Variants in CCDC39 observed in about 807,000 individuals in gnomAD.
CCDC39 encodes coiled-coil domain-containing protein 39.
A neutral mutation model predicts 121.0 loss-of-function variants in CCDC39; 113 were observed. That is an observed-to-expected ratio of 0.93 (90% CI 0.80 to 1.09). The LOEUF is 1.09. Ranked by LOEUF, CCDC39 falls within the 50% of genes least tolerant of loss-of-function variation. The pLI, the probability that CCDC39 is intolerant of heterozygous loss-of-function variation, is 0.00. For missense variants in CCDC39, 1,063 were observed against 1,074.7 expected, an observed-to-expected ratio of 0.99 and a Z score of 0.15; for synonymous variants, 349 against 352.2, an observed-to-expected ratio of 0.99 and a Z score of 0.10.
chr3:180,655,731 C>T (rs1427731253), intron 6 of CCDC39, among the ~76,000 whole-genome samples: 1 of 151,834 alleles, frequency 6.6e-6, no homozygotes, highest in Non-Finnish European at 1.5e-5. Context: ...AGAGATAAAG[C>T]TGGAAAGGTA....
chr3:180,644,938 T>C (rs996020460), intron 11 of CCDC39, among the ~76,000 whole-genome samples: 6 of 152,238 alleles, frequency 3.9e-5, no homozygotes, highest in Admixed American at 3.3e-4. Context: ...GGTTTACCAC[T>C]CCCATATTGG....
chr3:180,659,603 C>T, intron 5 of CCDC39, 23 bp from the exon 6 acceptor site: 1 of 1,606,854 alleles, frequency 6.2e-7, no homozygotes, highest in Non-Finnish European at 8.5e-7. Flanking sequence ...GAGCAAAGAA[C>T]ATTTCTGTGA....
intron 10 of CCDC39, 101 bp downstream of exon 10, chr3:180,648,064 A>C (rs1718114969): frequency 1.0e-6 from 1 of 954,248 alleles, no homozygotes; most frequent in African/African-American, 1.7e-5. Context: ...TGTCCTCCAC[A>C]AAAGGGCTTA....
chr3:180,672,683 A>G (rs925818197), intron 1 of CCDC39, among the ~76,000 whole-genome samples: 8 of 152,222 alleles, frequency 5.3e-5, no homozygotes, highest in African/African-American at 1.9e-4. Flanking sequence ...TAATGTTTTC[A>G]TGCCTGTTAA....
At chr3:180,638,896 G>A (rs143529020) in intron 13 of CCDC39, among the ~76,000 whole-genome samples, 87 of 152,134 alleles carry the variant, frequency 5.7e-4, no homozygotes, top group African/African-American at 1.9e-3. Context: ...ATTTCTTAAT[G>A]TTTCCTGAAA....
At position 180,642,203 on chromosome 3, in the gene CCDC39, T is replaced by A; in HGVS notation, c.1666-2A>T. The A allele has an allele frequency of 6.4e-7, 1 of 1,556,520 alleles. No individual in the cohort carries two copies. Among genetic ancestry groups the A allele is most frequent in the Non-Finnish European group, 8.7e-7 (1 of 1,150,232 alleles). ...AAGATTGTCCTCTATCATCAAATCC[T>A]ATCAACGTAACAAAATGGTCAAATA... On this transcript the variant is annotated splice_acceptor_variant, in intron 12 of 19. Transcript: ENST00000476379. LOFTEE classifies it high-confidence loss of function.
In CCDC39 at chr3:180,659,522, A is replaced by C. The variant is rs759369489; in HGVS notation, c.668T>G (p.Leu223Arg). 5 of 1,613,318 alleles carry C rather than the reference A, an allele frequency of 3.1e-6. No individual in the cohort carries two copies. The highest frequency in any genetic ancestry group is 1.3e-5 in the African/African-American group (1 of 74,920). The change falls in exon 6 of 20, where the codon CTC becomes CGC. Residue 223 changes from leucine to arginine, a missense_variant. By Grantham distance (102) the Leu-to-Arg change is moderately radical. Coordinates refer to ENST00000476379, the MANE Select transcript of CCDC39 (RefSeq NM_181426.2). ...FRKIHNERQE[L>R]IKQWENTIEQ... ...TATTGTGTTCTCCCATTGTTTAATG[A>C]GTTCTTGTCTTTCATTATGAATCTT...
chr3:180,621,864 A>T (rs1159420324), intron 14 of CCDC39, among the ~76,000 whole-genome samples: 1 of 152,086 alleles, frequency 6.6e-6, no homozygotes, highest in African/African-American at 2.4e-5. Flanking sequence ...AGATGATGTA[A>T]TCCCTCCAGC....
At chr3:180,669,642 A>C (rs1423754515) in intron 1 of CCDC39, among the ~76,000 whole-genome samples, 1 of 152,120 alleles carries the variant, frequency 6.6e-6, no homozygotes, top group Non-Finnish European at 1.5e-5. Flanking sequence ...TTAGGTACTC[A>C]CTACCTCCTA....
intron 13 of CCDC39, among the ~76,000 whole-genome samples, chr3:180,641,282 A>C (rs1488637433): frequency 1.3e-5 from 2 of 152,088 alleles, no homozygotes; most frequent in African/African-American, 2.4e-5. Flanking sequence ...CAATGTGGTA[A>C]AAGGTATCTA....
At chr3:180,647,447 A>T (rs1718099639) in intron 10 of CCDC39, among the ~76,000 whole-genome samples, 1 of 152,126 alleles carries the variant, frequency 6.6e-6, no homozygotes, top group African/African-American at 2.4e-5. Flanking sequence ...ATCAAGGTAC[A>T]TGATAGACAC....
intron 7 of CCDC39, among the ~76,000 whole-genome samples, chr3:180,654,079 A>T (rs1016418626): frequency 6.6e-6 from 1 of 151,602 alleles, no homozygotes; most frequent in Non-Finnish European, 1.5e-5. Context: ...AGACACACAG[A>T]AAAATGGAAC....
intron 3 of CCDC39, 99 bp from the exon 4 acceptor site, chr3:180,660,827 A>T: frequency 1.0e-6 from 1 of 988,030 alleles, no homozygotes; most frequent in Non-Finnish European, 1.4e-6. Context: ...GAGCAAAATT[A>T]AAAATGAGGA....
intron 1 of CCDC39, among the ~76,000 whole-genome samples, chr3:180,670,311 G>GT (rs1712003155): frequency 6.7e-6 from 1 of 149,776 alleles, no homozygotes. Flanking sequence ...TGTATGGAAG[G>GT]GGTGTGTGTG....
Position 180,619,793 on chromosome 3 carries a change from A to C in CCDC39, c.2158+18T>G. Reference sequence around the variant, plus strand: ...CGTCACTGTATATATGTATAAAAAAAAGTTAACTCCTACATACTAGATGGA... The same window carrying C: ...CGTCACTGTATATATGTATAAAAAACAGTTAACTCCTACATACTAGATGGA... On this transcript the variant is annotated intron_variant, in intron 15 of 19. Coordinates refer to ENST00000476379, the MANE Select transcript of CCDC39 (RefSeq NM_181426.2). 6.7e-7 allele frequency: 1 copy of C among 1,487,710 alleles called. No individual in the cohort carries two copies. The highest frequency in any genetic ancestry group is 9.1e-7 in the Non-Finnish European group (1 of 1,099,692). 92.2% of individuals were successfully genotyped at this position (1,487,710 alleles called of 1,614,324 possible). A position where few individuals can be genotyped will look rare whatever the true frequency, so the allele number is the denominator to read the frequency against.
chr3:180,678,717 G>A lies in CCDC39; in HGVS notation c.90+574C>T, dbSNP rs142551635. 3.2e-4 allele frequency among the ~76,000 whole-genome samples: 49 copies of A among 151,720 alleles called. No individual in the cohort carries two copies. In the East Asian group the frequency reaches 7.2e-3, roughly 22 times the overall value. On this transcript the variant is annotated intron_variant, in intron 1 of 19. Coordinates refer to ENST00000476379, the MANE Select transcript of CCDC39 (RefSeq NM_181426.2). ...GTTAGTGTAAGTTCGTCCTTGCAAC[G>A]TAAAATTTCTTATGTTAATCTGTGA...
chr3:180,664,014 C>T, intron 1 of CCDC39, 28 bp from the exon 2 acceptor site: 3 of 1,592,134 alleles, frequency 1.9e-6, no homozygotes, highest in Non-Finnish European at 1.7e-6. Flanking sequence ...TATGATTAAC[C>T]AAAGTCCTAT....
rs150317116 is a variant in CCDC39 at position 180,633,793 on chromosome 3, A to G, written c.1875-2201T>C. ...AATAACTAAAATAGACCATACAGAA[A>G]GGAGTTCAGCCCCTCTTCCCTGGGA... On this transcript the variant is annotated intron_variant, in intron 13 of 19. Transcript: ENST00000476379. Among the ~76,000 whole-genome samples the G allele has an allele frequency of 3.2e-3, 488 of 152,284 alleles. 9 individuals are homozygous for G. The highest frequency in any genetic ancestry group is 0.011 in the African/African-American group (459 of 41,564).
intron 14 of CCDC39, among the ~76,000 whole-genome samples, chr3:180,626,859 A>C (rs1010242847): frequency 6.6e-6 from 1 of 152,192 alleles, no homozygotes; most frequent in Non-Finnish European, 1.5e-5. Flanking sequence ...GACAGGTGGT[A>C]GTTGCAGTAG....
Sources: allele counts gnomAD v4.1 joint callset (sites outside exome capture counted in the v4.1 genomes callset), GRCh38; gene constraint gnomAD v4.1.1; transcripts MANE v1.5; gene names NCBI Gene and HGNC (gene_info 2026-07-23, HGNC 2026-07-21).